PDE10A: variants seen among roughly 807,000 people sequenced by gnomAD.
PDE10A encodes the protein phosphodiesterase 10A.
A neutral mutation model predicts 97.7 loss-of-function variants in PDE10A; 39 were observed. That is an observed-to-expected ratio of 0.40 (90% CI 0.31 to 0.52). PDE10A has a LOEUF of 0.52. Among genes scored for constraint, PDE10A ranks in the 20% least tolerant of loss-of-function variants. The probability of loss-of-function intolerance (pLI) is 0.56; values close to 1 mark genes in which losing one functional copy is unlikely to be tolerated. For synonymous variants in PDE10A, 371 were observed against 376.8 expected, an observed-to-expected ratio of 0.98 and a Z score of 0.18; for missense variants, 731 against 1,047.8, an observed-to-expected ratio of 0.70 and a Z score of 4.17.
At chr6:165,737,747 C>G (rs1042575558) in intron 1 of PDE10A, among the ~76,000 whole-genome samples, 1 of 152,178 alleles carries the variant, frequency 6.6e-6, no homozygotes, top group African/African-American at 2.4e-5. Context: ...ACGAACAAGA[C>G]AAGGATGCCC....
chr6:165,554,524 C>T (rs987020435), intron 1 of PDE10A, among the ~76,000 whole-genome samples: 50 of 152,044 alleles, frequency 3.3e-4, no homozygotes, highest in African/African-American at 7.7e-4. Context: ...CAAATACTGG[C>T]GAGGATGTAG....
intron 13 of PDE10A, among the ~76,000 whole-genome samples, chr6:165,413,298 C>T (rs181310264): frequency 1.5e-4 from 23 of 151,880 alleles, no homozygotes; most frequent in East Asian, 1.2e-3. Context: ...TTGAAATAAA[C>T]GCAAACTATT....
At chr6:165,931,791 C>G (rs1255867858) in intron 1 of PDE10A, among the ~76,000 whole-genome samples, 1 of 152,198 alleles carries the variant, frequency 6.6e-6, no homozygotes, top group Admixed American at 6.5e-5. Flanking sequence ...TCCCGACAGT[C>G]ACTTCTCCTC....
intron 1 of PDE10A, among the ~76,000 whole-genome samples, chr6:165,821,968 T>G (rs1269250895): frequency 6.6e-6 from 1 of 151,948 alleles, no homozygotes; most frequent in East Asian, 1.9e-4. Flanking sequence ...GAAGGATGAG[T>G]CGTGGCATCG....
At chr6:165,575,529 C>A (rs187848127) in intron 1 of PDE10A, among the ~76,000 whole-genome samples, 2 of 152,192 alleles carry the variant, frequency 1.3e-5, no homozygotes, top group Admixed American at 1.3e-4. Flanking sequence ...CAGTTATTTC[C>A]CCTTTATGTC....
At chr6:165,463,074 C>A (rs924223736) in intron 3 of PDE10A, among the ~76,000 whole-genome samples, 1 of 152,200 alleles carries the variant, frequency 6.6e-6, no homozygotes. Flanking sequence ...GGAATCATTA[C>A]TAATTGGTCC....
chr6:165,609,196 T>C (rs1354536637), intron 1 of PDE10A, among the ~76,000 whole-genome samples: 5 of 152,226 alleles, frequency 3.3e-5, no homozygotes, highest in Non-Finnish European at 5.9e-5. Flanking sequence ...GCCTATGTCC[T>C]GAATGGTACT....
intron 1 of PDE10A, among the ~76,000 whole-genome samples, chr6:165,619,781 A>G (rs560765955): frequency 1.3e-5 from 2 of 152,094 alleles, no homozygotes; most frequent in African/African-American, 4.8e-5. Flanking sequence ...AGTGTAGCAT[A>G]GTCTAGTGTA....
intron 1 of PDE10A, among the ~76,000 whole-genome samples, chr6:165,657,724 C>G (rs1329134512): frequency 6.6e-6 from 1 of 152,164 alleles, no homozygotes; most frequent in Non-Finnish European, 1.5e-5. Flanking sequence ...GCAGGTTTCT[C>G]AAAATTAAAA....
intron 13 of PDE10A, among the ~76,000 whole-genome samples, chr6:165,399,576 T>TC (rs1210657404): frequency 7.2e-6 from 1 of 138,790 alleles, no homozygotes; most frequent in African/African-American, 2.7e-5. Context: ...ATGCTATCCC[T>TC]CCCCCCTCCC....
intron 2 of PDE10A, among the ~76,000 whole-genome samples, chr6:165,489,987 A>C (rs1780135138): frequency 6.6e-6 from 1 of 152,262 alleles, no homozygotes; most frequent in South Asian, 2.1e-4. Flanking sequence ...GTTCCTGAGG[A>C]AGAAAATAAA....
intron 1 of PDE10A, among the ~76,000 whole-genome samples, chr6:165,573,096 C>T (rs926378189): frequency 1.3e-5 from 2 of 152,112 alleles, no homozygotes; most frequent in Non-Finnish European, 2.9e-5. Context: ...CTGATATAGG[C>T]ACCTTGGTCT....
At chr6:165,845,608 G>A (rs968485329) in intron 1 of PDE10A, among the ~76,000 whole-genome samples, 8 of 152,190 alleles carry the variant, frequency 5.3e-5, no homozygotes, top group Admixed American at 2.6e-4. Context: ...AACAGCTACG[G>A]TCAGGCCAAA....
chr6:165,401,573 C>T (rs768673860), intron 13 of PDE10A, among the ~76,000 whole-genome samples: 26 of 152,154 alleles, frequency 1.7e-4, no homozygotes, highest in Non-Finnish European at 3.4e-4. Flanking sequence ...CAAACGAAAA[C>T]GCATGAACAT....
intron 18 of PDE10A, among the ~76,000 whole-genome samples, chr6:165,366,530 G>A (rs752306822): frequency 5.9e-5 from 9 of 152,226 alleles, no homozygotes; most frequent in East Asian, 1.9e-4. Flanking sequence ...AAAAACTGGC[G>A]TAAGTGGAAG....
At chr6:165,698,512 G>A (rs534049074) in intron 1 of PDE10A, among the ~76,000 whole-genome samples, 161 of 152,110 alleles carry the variant, frequency 1.1e-3, no homozygotes, top group African/African-American at 3.6e-3. Flanking sequence ...AAAATAGAGC[G>A]AAAAAATAAT....
chr6:165,516,372 C>A (rs1781806557), intron 2 of PDE10A, among the ~76,000 whole-genome samples: 1 of 152,090 alleles, frequency 6.6e-6, no homozygotes, highest in Non-Finnish European at 1.5e-5. Flanking sequence ...TCCCTAAATC[C>A]CCTCCTTAAT....
chr6:165,778,558 A>G (rs182351769), intron 1 of PDE10A, among the ~76,000 whole-genome samples: 1 of 152,128 alleles, frequency 6.6e-6, no homozygotes, highest in Admixed American at 6.5e-5. Flanking sequence ...AAGTTTCTAT[A>G]ATGAACACGC....
intron 18 of PDE10A, among the ~76,000 whole-genome samples, chr6:165,367,585 TGTA>T (rs1783873592): frequency 6.7e-6 from 1 of 150,132 alleles, no homozygotes. Flanking sequence ...GAAGAATGAC[TGTA>T]AAAGCGGTCA....
Sources: allele counts gnomAD v4.1 joint callset (sites outside exome capture counted in the v4.1 genomes callset), GRCh38; gene constraint gnomAD v4.1.1; transcripts MANE v1.5; gene names NCBI Gene and HGNC (gene_info 2026-07-23, HGNC 2026-07-21).